LCP2: variants seen among roughly 807,000 people sequenced by gnomAD.
LCP2 encodes 76 kDa tyrosine phosphoprotein.
LCP2 carries 29 observed loss-of-function variants against 74.5 expected under a neutral mutation model. The ratio of observed to expected loss-of-function variants is 0.39; its 90% CI spans 0.29 to 0.53. The LOEUF (loss-of-function observed/expected upper bound fraction) is 0.53, where lower values mean the gene tolerates loss of function less well. LCP2 is among the 20% of genes least tolerant of loss of function. The pLI is 0.72. For synonymous variants in LCP2, 228 were observed against 229.5 expected (o/e 0.99, Z 0.06); for missense variants, 604 against 634.6 (o/e 0.95, Z 0.52).
rs759455841 is a variant in LCP2, at chr5:170,270,842, C to T, written c.400G>A (p.Glu134Lys). The T allele has an allele frequency of 8.7e-6, 14 of 1,612,592 alleles. No homozygotes were observed. In the South Asian group the frequency reaches 1.3e-4, roughly 15 times the overall value. The change falls in exon 7 of 21, where the codon GAG becomes AAG. Residue 134 changes from glutamate to lysine, a missense_variant. Glu to Lys is a moderately conservative substitution (Grantham distance 56). Coordinates refer to ENST00000046794, the MANE Select transcript of LCP2 (RefSeq NM_005565.5). ...DDGDYESPNEEEEAPVEDDAD... is the reference protein window; with the variant it reads ...DDGDYESPNEKEEAPVEDDAD... ...TCATCTTCCACGGGTGCCTCTTCCTCCTCATTGGGGGACTCATAGTCTCCA... is the reference window on the plus strand; with the variant it reads ...TCATCTTCCACGGGTGCCTCTTCCTTCTCATTGGGGGACTCATAGTCTCCA...
chr5:170,284,782 G>T, intron 3 of LCP2, among the ~76,000 whole-genome samples: 1 of 137,098 alleles, frequency 7.3e-6, no homozygotes, highest in East Asian at 2.2e-4. Flanking sequence ...ATGGAGTCTT[G>T]CTCTGTCACC....
chr5:170,266,735 G>T, intron 10 of LCP2, 73 bp downstream of exon 10: 2 of 1,253,254 alleles, frequency 1.6e-6, no homozygotes, highest in Non-Finnish European at 2.3e-6. Flanking sequence ...GATGGTACAT[G>T]TGAAACGTAT....
In LCP2 at chr5:170,251,956, G is replaced by A. The variant is rs543072576; in HGVS notation, c.1323+478C>T. The A allele has an allele frequency of 7.4e-4, 184 of 247,524 alleles. 1 individual carries two copies. Among genetic ancestry groups the A allele is most frequent in the African/African-American group, 3.6e-3 (165 of 45,538 alleles). The allele number at this position is 247,524 out of a possible 1,614,324, so 15.3% of individuals were successfully genotyped here. ...AAGGTAAAGTTTCGGCACTGGCTAC[G>A]GGAAATATGTTTAAGACTTTATGAT... On this transcript the variant is annotated intron_variant, in intron 19 of 20. Coordinates refer to ENST00000046794, the MANE Select transcript of LCP2 (RefSeq NM_005565.5).
intron 3 of LCP2, among the ~76,000 whole-genome samples, chr5:170,281,895 C>T (rs1288668362): frequency 1.3e-5 from 2 of 152,204 alleles, no homozygotes; most frequent in African/African-American, 4.8e-5. Flanking sequence ...TTACACTGTG[C>T]ATTTAAATAT....
intron 1 of LCP2, among the ~76,000 whole-genome samples, chr5:170,296,792 C>T (rs770109233): frequency 1.3e-5 from 2 of 152,192 alleles, no homozygotes; most frequent in African/African-American, 2.4e-5. Flanking sequence ...GTCCCAGCAC[C>T]GCCACAAGCC....
intron 10 of LCP2, among the ~76,000 whole-genome samples, 162 bp downstream of exon 10, chr5:170,266,646 T>C (rs1286473017): frequency 6.6e-6 from 1 of 152,250 alleles, no homozygotes; most frequent in Non-Finnish European, 1.5e-5. Flanking sequence ...TACCTCTTTG[T>C]GTCTCCGTTT....
rs1351527343 is a variant in LCP2, at chr5:170,262,521, G to T, written c.926+114C>A. ...ATCCCTCAAGCCACAGCAAGAAAAG[G>T]CCCACCCTGCCCGGGAGCACCGAGG... On this transcript the variant is annotated intron_variant, in intron 13 of 20. Coordinates refer to ENST00000046794, the MANE Select transcript of LCP2 (RefSeq NM_005565.5). 9.9e-6 allele frequency: 7 copies of T among 704,988 alleles called. No homozygotes were observed. The Admixed American group carries it at 2.0e-4, about 20-fold the overall frequency. The allele number at this position is 704,988 out of a possible 1,614,324, so 43.7% of individuals were successfully genotyped here. A position where few individuals can be genotyped will look rare whatever the true frequency, so the allele number is the denominator to read the frequency against.
At chr5:170,253,703 C>A (rs1425436489) in intron 17 of LCP2, among the ~76,000 whole-genome samples, 1 of 152,166 alleles carries the variant, frequency 6.6e-6, no homozygotes, top group Non-Finnish European at 1.5e-5. Context: ...CAAGAGAAGA[C>A]AAAATTACCT....
In LCP2 at chr5:170,256,326, G is replaced by C. The variant is rs1383351533; in HGVS notation, c.1150+200C>G. On this transcript the variant is annotated intron_variant, in intron 17 of 20. Coordinates refer to ENST00000046794, the MANE Select transcript of LCP2 (RefSeq NM_005565.5). This position sits in a 1 kb window ranked among gnomAD's most constrained non-coding sequence, Gnocchi z 4.5. Reference sequence around the variant, plus strand: ...GGCATGTATATGTATACGTGTGTGTGTATGTGTTGTGTTTTAGGTACTATC... The same window carrying C: ...GGCATGTATATGTATACGTGTGTGTCTATGTGTTGTGTTTTAGGTACTATC... 6.6e-6 allele frequency among the ~76,000 whole-genome samples: 1 copy of C among 152,158 alleles called. No homozygotes were observed. The highest frequency in any genetic ancestry group is 2.4e-5 in the African/African-American group (1 of 41,430).
At chr5:170,297,351 C>T (rs780663219) in intron 1 of LCP2, among the ~76,000 whole-genome samples, 183 bp downstream of exon 1, 35 of 152,326 alleles carry the variant, frequency 2.3e-4, no homozygotes, top group Admixed American at 2.2e-3. Context: ...TCCTTCTCTC[C>T]GGAACTCATG....
chr5:170,258,419 T>C (rs1380814933), intron 15 of LCP2: 4 of 385,160 alleles, frequency 1.0e-5, no homozygotes, highest in Non-Finnish European at 4.6e-6. Context: ...TTGATTTTGT[T>C]TTTCATTTTT....
Position 170,248,676 on chromosome 5 carries a change from C to G in LCP2, c.*21G>C. 1 of 1,580,574 alleles carries G rather than the reference C, an allele frequency of 6.3e-7. No individual in the cohort carries two copies. The highest frequency in any genetic ancestry group is 8.6e-7 in the Non-Finnish European group (1 of 1,164,180). Reference sequence around the variant, plus strand: ...TGGCAACAGAGGCAGGAGGACGGTTCATTTGCTCGGCTATAACTTGCTATG... The same window carrying G: ...TGGCAACAGAGGCAGGAGGACGGTTGATTTGCTCGGCTATAACTTGCTATG... On this transcript the variant is annotated 3_prime_UTR_variant, in exon 21 of 21. Transcript: ENST00000046794.
intron 3 of LCP2, among the ~76,000 whole-genome samples, chr5:170,276,881 T>C (rs547185213): frequency 6.6e-6 from 1 of 151,576 alleles, no homozygotes; most frequent in South Asian, 2.1e-4. Context: ...ATCGAGACCA[T>C]CCTGGCCAAC....
intron 2 of LCP2, among the ~76,000 whole-genome samples, chr5:170,290,022 AG>A (rs1335584485): frequency 9.2e-5 from 14 of 152,156 alleles, no homozygotes; most frequent in Non-Finnish European, 2.1e-4. Flanking sequence ...GCAGGGTGTC[AG>A]GAAAGAGGAA....
intron 3 of LCP2, among the ~76,000 whole-genome samples, chr5:170,277,056 C>T (rs570627057): frequency 8.2e-6 from 1 of 122,070 alleles, no homozygotes; most frequent in East Asian, 2.3e-4. Context: ...AGCCTGGTGA[C>T]AGAGGGAGAC....
chr5:170,272,813 C>T (rs1264260275), intron 6 of LCP2, among the ~76,000 whole-genome samples: 2 of 151,494 alleles, frequency 1.3e-5, no homozygotes, highest in Admixed American at 6.6e-5. Flanking sequence ...GGGGTTTCAC[C>T]ATGTTGACCA....
At position 170,248,922 on chromosome 5, in the gene LCP2, A is replaced by T. The variant is rs1761361802; in HGVS notation, c.1480-103T>A. 2.5e-6 allele frequency: 3 copies of T among 1,184,908 alleles called. No homozygotes were observed. The East Asian group carries it at 7.5e-5, about 30-fold the overall frequency. The allele number at this position is 1,184,908 out of a possible 1,614,324, so 73.4% of individuals were successfully genotyped here. On this transcript the variant is annotated intron_variant, in intron 20 of 20. Transcript: ENST00000046794. ...ATAATATATGCTGCCTCTTCAAGTG[A>T]TGAGGATTGTGGGGGGAAAAAATGT...
chr5:170,270,485 A>G (rs935399745), intron 7 of LCP2: 1 of 473,890 alleles, frequency 2.1e-6, no homozygotes, highest in East Asian at 3.8e-5. Flanking sequence ...AGTAGTCCTC[A>G]CAGGAAACCT....
chr5:170,270,036 A>T (rs953292326), intron 7 of LCP2, among the ~76,000 whole-genome samples: 15 of 152,188 alleles, frequency 9.9e-5, no homozygotes, highest in African/African-American at 3.6e-4. Flanking sequence ...GTACTCTCTG[A>T]AAGTATATTA....
Sources: allele counts gnomAD v4.1 joint callset (sites outside exome capture counted in the v4.1 genomes callset), GRCh38; gene constraint gnomAD v4.1.1; non-coding constraint Gnocchi (gnomAD v3.1); transcripts MANE v1.5; gene names NCBI Gene and HGNC (gene_info 2026-07-23, HGNC 2026-07-21).